Variants in DGKB observed in about 807,000 individuals in gnomAD.
DGKB encodes the protein 90 kDa diacylglycerol kinase.
A neutral mutation model predicts 114.3 loss-of-function variants in DGKB; 67 were observed. That is an observed-to-expected ratio of 0.59 (90% CI 0.48 to 0.72). The LOEUF is 0.72. Ranked by LOEUF, DGKB falls within the 30% of genes least tolerant of loss-of-function variation. The pLI, the probability that DGKB is intolerant of heterozygous loss-of-function variation, is 0.00. For missense variants in DGKB, 907 were observed against 975.2 expected (o/e 0.93, Z 0.93); for synonymous variants, 398 against 323.1 (o/e 1.23, Z -2.49).
At chr7:14,362,891 C>T (rs1400647576) in intron 21 of DGKB, among the ~76,000 whole-genome samples, 1 of 152,102 alleles carries the variant, frequency 6.6e-6, no homozygotes, top group African/African-American at 2.4e-5. Flanking sequence ...CCCTTCTAGA[C>T]ATGAATCTCT....
chr7:14,563,706 T>C (rs2128678214), intron 20 of DGKB, among the ~76,000 whole-genome samples: 1 of 152,018 alleles, frequency 6.6e-6, no homozygotes, highest in South Asian at 2.1e-4. Context: ...GGAATATCCT[T>C]GTCTACTTTT....
At chr7:14,378,442 C>A (rs1030697283) in intron 21 of DGKB, among the ~76,000 whole-genome samples, 1 of 152,174 alleles carries the variant, frequency 6.6e-6, no homozygotes, top group Non-Finnish European at 1.5e-5. Context: ...AAAATGGATT[C>A]AGTTTATCTA....
intron 21 of DGKB, among the ~76,000 whole-genome samples, chr7:14,444,421 T>C (rs925911838): frequency 2.0e-5 from 3 of 151,836 alleles, no homozygotes; most frequent in Admixed American, 6.6e-5. Flanking sequence ...ATGTGTTCAT[T>C]AGAAACATTA....
At chr7:14,471,792 G>A (rs1781449232) in intron 21 of DGKB, among the ~76,000 whole-genome samples, 1 of 152,092 alleles carries the variant, frequency 6.6e-6, no homozygotes, top group East Asian at 1.9e-4. Context: ...GAAAAATATA[G>A]AGAAGATAAA....
At chr7:14,414,006 T>C (rs1825303728) in intron 21 of DGKB, among the ~76,000 whole-genome samples, 2 of 152,160 alleles carry the variant, frequency 1.3e-5, no homozygotes, top group Non-Finnish European at 2.9e-5. Flanking sequence ...TCAATATTTA[T>C]GCGGTTTTAA....
intron 21 of DGKB, among the ~76,000 whole-genome samples, chr7:14,429,929 C>G (rs200969898): frequency 2.5e-5 from 3 of 119,822 alleles, no homozygotes; most frequent in Admixed American, 1.9e-4. Flanking sequence ...TCTGTCCCCC[C>G]CCCCAAAAAA....
chr7:14,234,442 CCTT>C (rs1358615759), intron 23 of DGKB, among the ~76,000 whole-genome samples: 3 of 152,034 alleles, frequency 2.0e-5, no homozygotes, highest in East Asian at 1.9e-4. Flanking sequence ...ATATTCCTCT[CCTT>C]CTTGAAAACA....
chr7:14,552,058 T>C (rs1795180007), intron 20 of DGKB, among the ~76,000 whole-genome samples: 1 of 152,100 alleles, frequency 6.6e-6, no homozygotes, highest in Admixed American at 6.5e-5. Flanking sequence ...TGCTTTATAA[T>C]ATTATATTTA....
At chr7:14,384,652 T>C (rs1820031555) in intron 21 of DGKB, among the ~76,000 whole-genome samples, 1 of 152,248 alleles carries the variant, frequency 6.6e-6, no homozygotes, top group Non-Finnish European at 1.5e-5. Flanking sequence ...AACTTGATTC[T>C]GACGTTCCTA....
chr7:14,558,470 G>C (rs1338915070), intron 20 of DGKB, among the ~76,000 whole-genome samples: 1 of 151,864 alleles, frequency 6.6e-6, no homozygotes. Flanking sequence ...AAGATTTTTA[G>C]ACCAACTTTT....
chr7:14,299,607 C>G (rs1803157431), intron 23 of DGKB, among the ~76,000 whole-genome samples: 1 of 152,050 alleles, frequency 6.6e-6, no homozygotes, highest in South Asian at 2.1e-4. Context: ...GCCCCTCACC[C>G]ACAATGTATA....
At chr7:14,891,873 C>T (rs1781286251) in intron 1 of DGKB, among the ~76,000 whole-genome samples, 1 of 151,286 alleles carries the variant, frequency 6.6e-6, no homozygotes, top group South Asian at 2.1e-4. Flanking sequence ...TTACCAGGGT[C>T]AGACTGAGAT....
chr7:14,511,665 C>T (rs2163508), intron 20 of DGKB, among the ~76,000 whole-genome samples: 66,195 of 152,032 alleles, frequency 0.44, 15,215 homozygotes, highest in East Asian at 0.73. Context: ...TTGGCTCAAG[C>T]GGCTTAGCTT....
intron 7 of DGKB, among the ~76,000 whole-genome samples, chr7:14,699,987 T>C (rs774661608): frequency 1.3e-5 from 2 of 151,952 alleles, no homozygotes; most frequent in Non-Finnish European, 2.9e-5. Flanking sequence ...TCATTTTAAT[T>C]TAATTAAAAA....
intron 23 of DGKB, among the ~76,000 whole-genome samples, chr7:14,193,919 C>T (rs1487549146): frequency 2.6e-5 from 4 of 151,930 alleles, no homozygotes; most frequent in Non-Finnish European, 5.9e-5. Flanking sequence ...AGAAGACATA[C>T]AAATGGCCAT....
chr7:14,770,205 T>C (rs1476148415), intron 2 of DGKB, among the ~76,000 whole-genome samples: 1 of 151,960 alleles, frequency 6.6e-6, no homozygotes. Context: ...GGAACACCTG[T>C]GAAGGATAAA....
chr7:14,335,800 C>A (rs548673680), intron 23 of DGKB, among the ~76,000 whole-genome samples: 65 of 152,134 alleles, frequency 4.3e-4, no homozygotes, highest in African/African-American at 1.5e-3. Flanking sequence ...ATTGTCCAGG[C>A]TGAGGTGCAG....
intron 1 of DGKB, among the ~76,000 whole-genome samples, chr7:14,873,133 T>C (rs1347968630): frequency 6.6e-6 from 1 of 152,098 alleles, no homozygotes; most frequent in South Asian, 2.1e-4. Flanking sequence ...GGCTGAGAAA[T>C]AGAATTTTCA....
At chr7:14,253,621 G>A (rs1795557193) in intron 23 of DGKB, among the ~76,000 whole-genome samples, 1 of 152,022 alleles carries the variant, frequency 6.6e-6, no homozygotes, top group Non-Finnish European at 1.5e-5. Context: ...ACCCTCAGGG[G>A]GATTAGATTT....
Sources: allele counts gnomAD v4.1 joint callset (sites outside exome capture counted in the v4.1 genomes callset), GRCh38; gene constraint gnomAD v4.1.1; transcripts MANE v1.5; gene names NCBI Gene and HGNC (gene_info 2026-07-23, HGNC 2026-07-21).